Variants in CCDC88A observed in about 807,000 individuals in gnomAD.
CCDC88A encodes the protein girdin.
Under a neutral mutation model 234.3 loss-of-function variants are expected in CCDC88A, and 54 were observed. That is an observed-to-expected ratio of 0.23 (90% CI 0.19 to 0.29). CCDC88A has a LOEUF of 0.29. CCDC88A is among the 10% of genes least tolerant of loss of function. The pLI is 1.00. For missense variants in CCDC88A, 1,832 were observed against 2,123.4 expected (o/e 0.86, Z 2.70); for synonymous variants, 753 against 737.8 (o/e 1.02, Z -0.33).
chr2:55,305,585 G>C (rs1185016799), intron 25 of CCDC88A, among the ~76,000 whole-genome samples: 1 of 152,146 alleles, frequency 6.6e-6, no homozygotes, highest in East Asian at 1.9e-4. Flanking sequence ...AGTGGTTCAT[G>C]CCTGTAATCC....
At chr2:55,294,865 T>C in intron 31 of CCDC88A, 1 of 1,055,758 alleles carries the variant, frequency 9.5e-7, no homozygotes, top group Non-Finnish European at 1.1e-6. Flanking sequence ...AAGTAATTAA[T>C]ATTTCATGCA....
chr2:55,399,617 C>T (rs1273238848), intron 2 of CCDC88A: 2 of 151,492 alleles, frequency 1.3e-5, no homozygotes, highest in Non-Finnish European at 2.9e-5. Context: ...CACTGTGAAC[C>T]TTTTGGTACT....
intron 11 of CCDC88A, 28 bp from the exon 12 acceptor site, chr2:55,343,820 G>GA: frequency 1.9e-6 from 3 of 1,540,982 alleles, no homozygotes; most frequent in Admixed American, 2.0e-5. Context: ...ATTAGGGAGA[G>GA]AAAAAAGCTA....
At position 55,418,993 on chromosome 2, in the gene CCDC88A, T is replaced by C. The variant is rs771300179; in HGVS notation, c.63+24A>G. ...CAGCCACAAATAACTCAGCAAAATA[T>C]ACAATAAAGGACACCCCACTTACCC... On this transcript the variant is annotated intron_variant, in intron 1 of 32. Transcript: ENST00000436346. The C allele has an allele frequency of 4.4e-6, 7 of 1,605,406 alleles. No homozygotes were observed. In the South Asian group the frequency reaches 4.4e-5, roughly 10 times the overall value.
intron 3 of CCDC88A, among the ~76,000 whole-genome samples, chr2:55,384,568 T>A (rs1047564789): frequency 8.0e-6 from 1 of 124,240 alleles, no homozygotes; most frequent in African/African-American, 3.2e-5. Context: ...TACACATATA[T>A]ACGTATATAT....
chr2:55,309,864 A>C lies in CCDC88A; in HGVS notation c.4080-610T>G, dbSNP rs1682111508. Among the ~76,000 whole-genome samples the C allele has an allele frequency of 6.6e-6, 1 of 152,190 alleles. No individual in the cohort carries two copies. On this transcript the variant is annotated intron_variant, in intron 23 of 32. Transcript: ENST00000436346. This position sits in a 1 kb window ranked among gnomAD's most constrained non-coding sequence, Gnocchi z 5.1. ...AGCTTTGTTTACAATATAGGAGAGA[A>C]GATATATCCATAAATTAATATAATA...
intron 8 of CCDC88A, 81 bp from the exon 9 acceptor site, chr2:55,349,680 C>A: frequency 1.1e-6 from 1 of 898,156 alleles, no homozygotes. Context: ...AATGTATCAT[C>A]ATCACTAAAT....
intron 9 of CCDC88A, among the ~76,000 whole-genome samples, chr2:55,347,606 C>CTTTTATTTTT (rs1669319010): frequency 9.8e-6 from 1 of 102,138 alleles, no homozygotes; most frequent in Non-Finnish European, 1.9e-5. Flanking sequence ...ATTCATCTAC[C>CTTTTATTTTT]TTTTTTTTTT....
At chr2:55,365,016 T>C (rs1251599672) in intron 5 of CCDC88A, among the ~76,000 whole-genome samples, 1 of 152,196 alleles carries the variant, frequency 6.6e-6, no homozygotes. Flanking sequence ...AGGCTCTGAT[T>C]TATGCTTTAC....
chr2:55,397,457 T>C (rs940948459), intron 2 of CCDC88A: 3 of 152,088 alleles, frequency 2.0e-5, no homozygotes, highest in African/African-American at 7.2e-5. Context: ...TTATTTGTAG[T>C]GCAAGCTCAT....
At chr2:55,401,894 A>G (rs1678764871) in intron 2 of CCDC88A, among the ~76,000 whole-genome samples, 1 of 152,172 alleles carries the variant, frequency 6.6e-6, no homozygotes, top group Non-Finnish European at 1.5e-5. Context: ...TAATGCTTTA[A>G]TTTAAAAACT....
At chr2:55,372,782 T>G (rs1558763046) in intron 4 of CCDC88A, among the ~76,000 whole-genome samples, 1 of 152,194 alleles carries the variant, frequency 6.6e-6, no homozygotes. Flanking sequence ...AATCTACTCC[T>G]TTTCCATAAA....
At position 55,318,993 on chromosome 2, in the gene CCDC88A, C is replaced by T; in HGVS notation, c.3174G>A (p.Leu1058=). The change falls in exon 19 of 33, where the codon CTG becomes CTA. Residue 1058 remains leucine, a synonymous_variant. Transcript: ENST00000436346. ...LIEVERNNAT[L]QAEKQALKTQ... Reference sequence around the variant, plus strand: ...TTTTCAACGCTTGCTTCTCTGCTTGCAGTGTAGCATTCTTGAAAAACAAAA... The same window carrying T: ...TTTTCAACGCTTGCTTCTCTGCTTGTAGTGTAGCATTCTTGAAAAACAAAA... The T allele has an allele frequency of 1.9e-6, 3 of 1,612,452 alleles. No individual in the cohort carries two copies. The highest frequency in any genetic ancestry group is 2.5e-6 in the Non-Finnish European group (3 of 1,179,118).
At position 55,419,804 on chromosome 2, in the gene CCDC88A, A is replaced by T. The variant is rs577341308; in HGVS notation, c.-725T>A. The T allele has an allele frequency of 1.3e-5, 2 of 152,154 alleles. No homozygotes were observed. The highest frequency in any genetic ancestry group is 2.9e-5 in the Non-Finnish European group (2 of 68,330). 9.4% of individuals were successfully genotyped at this position (152,154 alleles called of 1,614,324 possible). On this transcript the variant is annotated 5_prime_UTR_variant, in exon 1 of 33. Transcript: ENST00000436346. ...GCGTCTCTGGGAATCCCTGGCACAA[A>T]ATCACCGCCGCGCTCCAGCCTTCTC... is the stretch of plus-strand genomic sequence containing the variant.
chr2:55,317,779 T>G lies in CCDC88A; in HGVS notation c.3387A>C (p.Leu1129=). ...CATTTTCTAAGGAAGACTGCTGGAT[T>G]AGGAGTTGGGCATTCTGGTTCATGA... is the stretch of plus-strand genomic sequence containing the variant. The part of the protein sequence containing the change: ...TSLMNQNAQL[L]IQQSSLENEN... The change falls in exon 20 of 33, where the codon CTA becomes CTC. Residue 1129 remains leucine, a synonymous_variant. Transcript: ENST00000436346. The surrounding 1 kb of genome is among the most constrained non-coding windows in gnomAD (Gnocchi z 4.2). 6.2e-7 allele frequency: 1 copy of G among 1,612,760 alleles called. No individual in the cohort carries two copies. Among genetic ancestry groups the G allele is most frequent in the African/African-American group, 1.3e-5 (1 of 75,030 alleles).
chr2:55,379,934 A>T (rs989989689), intron 3 of CCDC88A, among the ~76,000 whole-genome samples: 4 of 151,578 alleles, frequency 2.6e-5, no homozygotes, highest in African/African-American at 4.9e-5. Flanking sequence ...AATAAATAAA[A>T]AAGCAGAGGC....
chr2:55,384,629 A>G (rs1409489119), intron 3 of CCDC88A, among the ~76,000 whole-genome samples: 1 of 114,348 alleles, frequency 8.7e-6, no homozygotes, highest in Non-Finnish European at 1.7e-5. Flanking sequence ...ACGTATATAT[A>G]TGTATATATG....
intron 6 of CCDC88A, chr2:55,363,609 T>C (rs1251903098): frequency 5.7e-6 from 1 of 175,470 alleles, no homozygotes; most frequent in African/African-American, 2.4e-5. Flanking sequence ...CTTGTCATCT[T>C]ACCTCACTAT....
At chr2:55,410,414 A>G (rs1680278678) in intron 2 of CCDC88A, among the ~76,000 whole-genome samples, 1 of 152,212 alleles carries the variant, frequency 6.6e-6, no homozygotes, top group South Asian at 2.1e-4. Context: ...ATGAAGGTAT[A>G]TTTATCAAGA....
Sources: allele counts gnomAD v4.1 joint callset (sites outside exome capture counted in the v4.1 genomes callset), GRCh38; gene constraint gnomAD v4.1.1; non-coding constraint Gnocchi (gnomAD v3.1); transcripts MANE v1.5; gene names NCBI Gene and HGNC (gene_info 2026-07-23, HGNC 2026-07-21).